Variants in MAPKAP1 observed in about 807,000 individuals in gnomAD.
MAPKAP1 encodes MAPK associated protein 1.
In MAPKAP1, 20 loss-of-function variants were observed where a neutral mutation model predicts 65.7. The observed-to-expected ratio is 0.30, with a 90% CI of 0.21 to 0.44. The LOEUF (loss-of-function observed/expected upper bound fraction) is 0.44. Ranked by LOEUF, MAPKAP1 falls within the 20% of genes least tolerant of loss-of-function variation. The pLI is 1.00. For missense variants in MAPKAP1, 423 were observed against 648.0 expected, an observed-to-expected ratio of 0.65 and a Z score of 3.77; for synonymous variants, 222 against 244.3, an observed-to-expected ratio of 0.91 and a Z score of 0.85.
chr9:125,603,018 C>G (rs1051193444), intron 4 of MAPKAP1, among the ~76,000 whole-genome samples: 1 of 152,108 alleles, frequency 6.6e-6, no homozygotes, highest in Non-Finnish European at 1.5e-5. Flanking sequence ...TCTCAACCTC[C>G]CAAGAAGCTG....
At position 125,707,094 on chromosome 9, in the gene MAPKAP1, C is replaced by G. The variant is rs1438783861; in HGVS notation, c.-193G>C. 2.5e-6 allele frequency: 1 copy of G among 398,082 alleles called. No individual in the cohort carries two copies. The highest frequency in any genetic ancestry group is 4.4e-6 in the Non-Finnish European group (1 of 225,790). 24.7% of individuals were successfully genotyped at this position (398,082 alleles called of 1,614,324 possible). A position where few individuals can be genotyped will look rare whatever the true frequency, so the allele number is the denominator to read the frequency against. ...CTGCACTCTCGGGATCCACGGGGACCGGCGCTCCTCCCGGCCCGCTCAGCT... is the reference window on the plus strand; with the variant it reads ...CTGCACTCTCGGGATCCACGGGGACGGGCGCTCCTCCCGGCCCGCTCAGCT... On this transcript the variant is annotated 5_prime_UTR_variant, in exon 1 of 12. Coordinates refer to ENST00000265960, the MANE Select transcript of MAPKAP1 (RefSeq NM_001006617.3).
At chr9:125,632,315 G>A (rs1052155712) in intron 4 of MAPKAP1, among the ~76,000 whole-genome samples, 1 of 151,808 alleles carries the variant, frequency 6.6e-6, no homozygotes, top group African/African-American at 2.4e-5. Flanking sequence ...TTCCCTACAA[G>A]ATTACACATA....
chr9:125,481,956 C>A (rs56329531), intron 9 of MAPKAP1, among the ~76,000 whole-genome samples: 4,096 of 150,982 alleles, frequency 0.027, 187 homozygotes, highest in African/African-American at 0.095. Flanking sequence ...ATGGTGAAAC[C>A]CCGTCTCTAC....
At chr9:125,458,301 G>A (rs1291888699) in intron 10 of MAPKAP1, among the ~76,000 whole-genome samples, 10 of 151,502 alleles carry the variant, frequency 6.6e-5, no homozygotes, top group Admixed American at 3.3e-4. Flanking sequence ...ATAGTGGAGG[G>A]AAGGTCAGCA....
At chr9:125,630,322 G>A (rs575668238) in intron 4 of MAPKAP1, among the ~76,000 whole-genome samples, 2 of 151,862 alleles carry the variant, frequency 1.3e-5, no homozygotes, top group East Asian at 3.9e-4. Flanking sequence ...TGCAGACACA[G>A]GGCCTCCCTA....
At chr9:125,443,644 C>T (rs2132924181) in intron 11 of MAPKAP1, among the ~76,000 whole-genome samples, 1 of 152,196 alleles carries the variant, frequency 6.6e-6, no homozygotes, top group Admixed American at 6.5e-5. Context: ...CTCCTCTCAG[C>T]CACACTCCAC....
intron 4 of MAPKAP1, among the ~76,000 whole-genome samples, chr9:125,617,545 G>C (rs1199560315): frequency 6.6e-6 from 1 of 152,138 alleles, no homozygotes; most frequent in African/African-American, 2.4e-5. Flanking sequence ...AGCATTATTT[G>C]TAATAGCAAT....
intron 5 of MAPKAP1, among the ~76,000 whole-genome samples, chr9:125,560,458 C>T (rs1269469724): frequency 6.6e-6 from 1 of 152,054 alleles, no homozygotes; most frequent in African/African-American, 2.4e-5. Flanking sequence ...GTGGTATGCG[C>T]CTGTAGTTCC....
At position 125,451,633 on chromosome 9, in the gene MAPKAP1, G is replaced by A. The variant is rs558384624; in HGVS notation, c.1346-7035C>T. On this transcript the variant is annotated intron_variant, in intron 10 of 11. Coordinates refer to ENST00000265960, the MANE Select transcript of MAPKAP1 (RefSeq NM_001006617.3). ...GGCAGTTGTGGTGGCACAACTGGAG[G>A]CTTCACCACGCACCAAGTACTGGGC... Among the ~76,000 whole-genome samples the A allele has an allele frequency of 1.0e-3, 155 of 152,144 alleles. 1 individual carries two copies. Among genetic ancestry groups the A allele is most frequent in the East Asian group, 3.9e-4 (2 of 5,170 alleles).
intron 4 of MAPKAP1, among the ~76,000 whole-genome samples, chr9:125,614,200 A>G (rs1832682523): frequency 6.6e-6 from 1 of 152,254 alleles, no homozygotes; most frequent in Non-Finnish European, 1.5e-5. Flanking sequence ...TTACTTGTGA[A>G]CAAAGATCCT....
intron 10 of MAPKAP1, among the ~76,000 whole-genome samples, chr9:125,462,407 G>A (rs1219491668): frequency 6.6e-6 from 1 of 152,178 alleles, no homozygotes; most frequent in Admixed American, 6.5e-5. Context: ...ATCTTCACAA[G>A]GCTGTCTTAC....
chr9:125,449,573 T>C (rs115253638), intron 10 of MAPKAP1, among the ~76,000 whole-genome samples: 41 of 152,304 alleles, frequency 2.7e-4, no homozygotes, highest in African/African-American at 7.2e-4. Context: ...TCTGGATATG[T>C]AGAACTGTAT....
chr9:125,632,627 TC>T (rs34382929), intron 4 of MAPKAP1, among the ~76,000 whole-genome samples: 14,502 of 152,280 alleles, frequency 0.095, 906 homozygotes, highest in Non-Finnish European at 0.13. Flanking sequence ...ACCACTTTAG[TC>T]CCTGACTTTG....
intron 5 of MAPKAP1, among the ~76,000 whole-genome samples, chr9:125,569,958 G>GA (rs1831177169): frequency 6.6e-6 from 1 of 152,194 alleles, no homozygotes; most frequent in Admixed American, 6.5e-5. Context: ...CTTTAAAAAT[G>GA]ACTGATAAAA....
chr9:125,498,950 T>A (rs1327145579), intron 8 of MAPKAP1, among the ~76,000 whole-genome samples: 2 of 152,248 alleles, frequency 1.3e-5, no homozygotes, highest in African/African-American at 4.8e-5. Flanking sequence ...AGCCACAGAA[T>A]GCTGCTTTTC....
Position 125,510,925 on chromosome 9 carries a change from G to T in MAPKAP1, c.959-4508C>A, listed in dbSNP as rs1056828227. 1.1e-4 allele frequency among the ~76,000 whole-genome samples: 16 copies of T among 152,266 alleles called. No homozygotes were observed. In the South Asian group the frequency reaches 1.9e-3, roughly 18 times the overall value. ...GTATATACGAGAGGCAATATAGCCA[G>T]GTGGTTAAGGGCATAAACTTGGGGC... On this transcript the variant is annotated intron_variant, in intron 7 of 11. Transcript: ENST00000265960.
At chr9:125,443,851 C>T (rs1423639080) in intron 11 of MAPKAP1, among the ~76,000 whole-genome samples, 1 of 152,090 alleles carries the variant, frequency 6.6e-6, no homozygotes, top group African/African-American at 2.4e-5. Flanking sequence ...TGCCTCCATA[C>T]CTCCACCCCA....
intron 10 of MAPKAP1, among the ~76,000 whole-genome samples, chr9:125,457,621 T>C (rs557325304): frequency 6.6e-6 from 1 of 152,400 alleles, no homozygotes; most frequent in Non-Finnish European, 1.5e-5. Context: ...GGCTTTGTTC[T>C]GGTAGAAGCT....
chr9:125,582,625 C>T (rs1490794184), intron 5 of MAPKAP1, among the ~76,000 whole-genome samples: 1 of 152,180 alleles, frequency 6.6e-6, no homozygotes, highest in Non-Finnish European at 1.5e-5. Flanking sequence ...GTCCTGGTTG[C>T]ACTGCTCTCT....
Sources: gnomAD v4.1 joint callset for allele counts (sites outside exome capture counted in the v4.1 genomes callset) on GRCh38, gnomAD v4.1.1 for gene constraint, MANE v1.5 for transcripts, NCBI Gene and HGNC (gene_info 2026-07-23, HGNC 2026-07-21) for gene names.